FAM13C: variants seen among roughly 807,000 people sequenced by gnomAD.
The protein encoded by FAM13C is protein FAM13C.
A neutral mutation model predicts 73.2 loss-of-function variants in FAM13C; 37 were observed. The ratio of observed to expected loss-of-function variants is 0.51; its 90% CI spans 0.39 to 0.67. The LOEUF (loss-of-function observed/expected upper bound fraction) is 0.67. FAM13C is among the 30% of genes least tolerant of loss of function. The pLI is 0.00. For synonymous variants in FAM13C, 246 were observed against 260.9 expected, an observed-to-expected ratio of 0.94 and a Z score of 0.55; for missense variants, 589 against 715.6, an observed-to-expected ratio of 0.82 and a Z score of 2.02.
intron 10 of FAM13C, among the ~76,000 whole-genome samples, chr10:59,261,284 G>A (rs949536578): frequency 1.3e-5 from 2 of 152,184 alleles, no homozygotes; most frequent in East Asian, 3.9e-4. Flanking sequence ...GTTGTTTTAA[G>A]GCTAAAGGTA....
At chr10:59,268,503 C>G in intron 8 of FAM13C, 50 bp downstream of exon 8, 1 of 1,602,242 alleles carries the variant, frequency 6.2e-7, no homozygotes, top group Non-Finnish European at 8.5e-7. Flanking sequence ...TGAGGAGAAT[C>G]CAGACACCTC....
At chr10:59,347,431 G>A (rs1854452929) in intron 3 of FAM13C, among the ~76,000 whole-genome samples, 1 of 152,062 alleles carries the variant, frequency 6.6e-6, no homozygotes, top group African/African-American at 2.4e-5. Context: ...TTCTGACTTT[G>A]GCGATCAGAA....
intron 5 of FAM13C, among the ~76,000 whole-genome samples, chr10:59,290,071 G>A (rs536064485): frequency 2.7e-4 from 41 of 152,354 alleles, no homozygotes; most frequent in African/African-American, 8.4e-4. Flanking sequence ...TCTGTGAAAC[G>A]TAGGTGTGGT....
At chr10:59,297,029 C>T (rs923139882) in intron 5 of FAM13C, 10 of 152,192 alleles carry the variant, frequency 6.6e-5, no homozygotes, top group African/African-American at 2.2e-4. Flanking sequence ...TAAAGAGATG[C>T]TATTATCCTC....
At chr10:59,258,484 A>C (rs1347867156) in intron 10 of FAM13C, among the ~76,000 whole-genome samples, 2 of 152,160 alleles carry the variant, frequency 1.3e-5, no homozygotes, top group African/African-American at 2.4e-5. Context: ...CCCTGTCTCT[A>C]AAAAATTTAA....
chr10:59,315,918 A>T (rs951486518), intron 4 of FAM13C, among the ~76,000 whole-genome samples: 9 of 152,088 alleles, frequency 5.9e-5, no homozygotes, highest in African/African-American at 2.2e-4. Context: ...ATGATCGGAC[A>T]ACTGAAAATT....
intron 3 of FAM13C, among the ~76,000 whole-genome samples, chr10:59,335,131 A>G (rs1187675880): frequency 6.6e-6 from 1 of 152,158 alleles, no homozygotes; most frequent in Admixed American, 6.5e-5. Flanking sequence ...CTAATTTCCC[A>G]ACTAACAGTC....
chr10:59,337,668 T>C (rs1038654559), intron 3 of FAM13C, among the ~76,000 whole-genome samples: 5 of 820 alleles, frequency 6.1e-3, no homozygotes, highest in Non-Finnish European at 0.01. Flanking sequence ...TTTCTTTTTC[T>C]TTTTTTTTTT....
At chr10:59,293,069 CTTTTT>C (rs148715812) in intron 5 of FAM13C, among the ~76,000 whole-genome samples, 5 of 109,536 alleles carry the variant, frequency 4.6e-5, no homozygotes, top group East Asian at 2.7e-4. Flanking sequence ...TTTTCTTTTT[CTTTTT>C]TTTTTTTTTT....
At chr10:59,330,587 T>A (rs1851841296) in intron 3 of FAM13C, among the ~76,000 whole-genome samples, 1 of 152,110 alleles carries the variant, frequency 6.6e-6, no homozygotes, top group Admixed American at 6.6e-5. Flanking sequence ...GAGCTAGAGA[T>A]TGGAGGCAGG....
At chr10:59,284,228 A>T (rs1845279335) in intron 5 of FAM13C, among the ~76,000 whole-genome samples, 1 of 152,052 alleles carries the variant, frequency 6.6e-6, no homozygotes, top group African/African-American at 2.4e-5. Context: ...TTCTCCCATG[A>T]TTCTTAATAA....
Position 59,355,873 on chromosome 10 carries a change from A to G in FAM13C, c.119+14T>C, listed in dbSNP as rs915905433. On this transcript the variant is annotated intron_variant, in intron 2 of 13. Coordinates refer to ENST00000618804, the MANE Select transcript of FAM13C (RefSeq NM_198215.4). ...GTCTCTCACAAATATGAACCAAGCAATGGTGGCTTTTACCTGAGACTGGAG... is the reference window on the plus strand; with the variant it reads ...GTCTCTCACAAATATGAACCAAGCAGTGGTGGCTTTTACCTGAGACTGGAG... 5 of 1,613,296 alleles carry G rather than the reference A, an allele frequency of 3.1e-6. No homozygotes were observed. Among genetic ancestry groups the G allele is most frequent in the South Asian group, 1.1e-5 (1 of 91,074 alleles).
At chr10:59,277,829 G>T (rs1844488533) in intron 6 of FAM13C, among the ~76,000 whole-genome samples, 1 of 152,198 alleles carries the variant, frequency 6.6e-6, no homozygotes, top group Non-Finnish European at 1.5e-5. Flanking sequence ...CTGATGAAGA[G>T]TTTAGGCTAT....
Position 59,319,267 on chromosome 10 carries a change from C to T in FAM13C, c.443+4721G>A, listed in dbSNP as rs149919258. Among the ~76,000 whole-genome samples, 7 of 152,274 alleles carry T rather than the reference C, an allele frequency of 4.6e-5. No individual in the cohort carries two copies. The East Asian group carries it at 7.7e-4, about 17-fold the overall frequency. On this transcript the variant is annotated intron_variant, in intron 4 of 13. Coordinates refer to ENST00000618804, the MANE Select transcript of FAM13C (RefSeq NM_198215.4). ...AAAAATAGTGGAGGCCATCCAAGGCCATTATCCTTGCTAAGGATCTTCAAC... is the reference window on the plus strand; with the variant it reads ...AAAAATAGTGGAGGCCATCCAAGGCTATTATCCTTGCTAAGGATCTTCAAC...
At chr10:59,322,473 A>T (rs946433006) in intron 4 of FAM13C, among the ~76,000 whole-genome samples, 1 of 152,200 alleles carries the variant, frequency 6.6e-6, no homozygotes, top group African/African-American at 2.4e-5. Flanking sequence ...GGTATTTAGG[A>T]TCCTATGAAG....
intron 4 of FAM13C, 141 bp from the exon 5 acceptor site, chr10:59,303,005 A>C: frequency 1.5e-6 from 1 of 678,514 alleles, no homozygotes; most frequent in Non-Finnish European, 2.5e-6. Flanking sequence ...TAAAATACAG[A>C]CTCCTTACAA....
chr10:59,350,602 A>T (rs1030026870), intron 3 of FAM13C, among the ~76,000 whole-genome samples: 8 of 152,184 alleles, frequency 5.3e-5, no homozygotes, highest in Non-Finnish European at 1.2e-4. Context: ...TCGCTGCAAC[A>T]AGAGTTACAC....
intron 5 of FAM13C, among the ~76,000 whole-genome samples, chr10:59,294,137 A>G (rs1048063340): frequency 2.0e-5 from 3 of 152,222 alleles, no homozygotes; most frequent in Admixed American, 1.3e-4. Flanking sequence ...AAAACTCACT[A>G]TATTCATTGC....
chr10:59,343,745 G>A (rs1208108788), intron 3 of FAM13C, among the ~76,000 whole-genome samples: 1 of 152,168 alleles, frequency 6.6e-6, no homozygotes, highest in African/African-American at 2.4e-5. Context: ...AGTTGACTGA[G>A]GTGAACAGAC....
Sources: allele counts gnomAD v4.1 joint callset (sites outside exome capture counted in the v4.1 genomes callset), GRCh38; gene constraint gnomAD v4.1.1; transcripts MANE v1.5; gene names NCBI Gene and HGNC (gene_info 2026-07-23, HGNC 2026-07-21).